The following SLC39A11 variants were observed in gnomAD, a reference collection of about 807,000 sequenced individuals.
SLC39A11 encodes the protein solute carrier family 39 member 11, also known as zinc transporter ZIP11.
A neutral mutation model predicts 36.1 loss-of-function variants in SLC39A11; 33 were observed. The observed-to-expected ratio is 0.91, with a 90% CI of 0.69 to 1.22. The LOEUF (loss-of-function observed/expected upper bound fraction) is 1.22. Ranked by LOEUF, SLC39A11 falls within the 50% of genes most tolerant of loss-of-function variation. The pLI, the probability that SLC39A11 is intolerant of heterozygous loss-of-function variation, is 0.00. For synonymous variants in SLC39A11, 166 were observed against 170.3 expected (o/e 0.97, Z 0.20); for missense variants, 432 against 430.3 (o/e 1.00, Z -0.03).
chr17:72,673,126 A>G (rs11871226), intron 7 of SLC39A11, among the ~76,000 whole-genome samples: 125,056 of 152,018 alleles, frequency 0.82, 51,792 homozygotes, highest in African/African-American at 0.92. Flanking sequence ...TTTTTGAGAC[A>G]GAGTCTTGTC....
chr17:73,081,628 TACATACAC>T (rs1391267201), intron 3 of SLC39A11, among the ~76,000 whole-genome samples: 5 of 77,964 alleles, frequency 6.4e-5, no homozygotes, highest in Admixed American at 3.7e-4. Flanking sequence ...TATATATATA[TACATACAC>T]ACACACACAC....
chr17:72,913,521 G>T (rs1408648552), intron 5 of SLC39A11, among the ~76,000 whole-genome samples: 1 of 152,132 alleles, frequency 6.6e-6, no homozygotes, highest in African/African-American at 2.4e-5. Context: ...AATAAGAGAT[G>T]ACATCATCTG....
At chr17:73,051,861 A>T (rs1433804079) in intron 3 of SLC39A11, among the ~76,000 whole-genome samples, 1 of 147,832 alleles carries the variant, frequency 6.8e-6, no homozygotes, top group Non-Finnish European at 1.5e-5. Flanking sequence ...CCATCTCAAA[A>T]GCAAAAAGCA....
chr17:72,748,822 G>A (rs1339544967), intron 6 of SLC39A11, among the ~76,000 whole-genome samples: 9 of 152,150 alleles, frequency 5.9e-5, no homozygotes, highest in Non-Finnish European at 1.5e-5. Context: ...CATGCCTCTA[G>A]CCAACTCCCC....
At chr17:72,757,115 G>A (rs557746668) in intron 6 of SLC39A11, among the ~76,000 whole-genome samples, 19 of 151,896 alleles carry the variant, frequency 1.3e-4, no homozygotes, top group Admixed American at 3.3e-4. Flanking sequence ...GCAGTGAGCC[G>A]AGATCACGCC....
At chr17:73,016,304 G>A (rs920074610) in intron 4 of SLC39A11, among the ~76,000 whole-genome samples, 10 of 151,842 alleles carry the variant, frequency 6.6e-5, no homozygotes, top group Admixed American at 5.9e-4. Context: ...TCTCCTAAAT[G>A]AGACTCTCAG....
intron 6 of SLC39A11, among the ~76,000 whole-genome samples, chr17:72,787,382 C>T (rs4793485): frequency 1.3e-5 from 2 of 150,770 alleles, no homozygotes; most frequent in East Asian, 2.0e-4. Flanking sequence ...CTCAGCCTCC[C>T]GAGTAGCTGG....
intron 5 of SLC39A11, chr17:72,947,508 T>C: frequency 1.8e-6 from 1 of 562,438 alleles, no homozygotes. Context: ...GTCGAAAAGA[T>C]GATCAAAAGG....
At chr17:72,865,614 G>A (rs1308822499) in intron 5 of SLC39A11, among the ~76,000 whole-genome samples, 2 of 151,916 alleles carry the variant, frequency 1.3e-5, no homozygotes, top group African/African-American at 2.4e-5. Flanking sequence ...CCAGGACGCT[G>A]AAGACCCTCA....
intron 4 of SLC39A11, among the ~76,000 whole-genome samples, chr17:73,013,519 T>A (rs1158049887): frequency 6.6e-6 from 1 of 152,232 alleles, no homozygotes; most frequent in African/African-American, 2.4e-5. Flanking sequence ...GATTCCACAG[T>A]TCATAAATGA....
intron 5 of SLC39A11, among the ~76,000 whole-genome samples, chr17:72,925,001 CAAAAAA>C (rs933053304): frequency 1.3e-4 from 9 of 68,938 alleles, no homozygotes; most frequent in African/African-American, 3.4e-4. Flanking sequence ...GACTCCATTT[CAAAAAA>C]AAAAAAAAAA....
At chr17:72,886,608 T>C (rs1419485807) in intron 5 of SLC39A11, among the ~76,000 whole-genome samples, 1 of 152,112 alleles carries the variant, frequency 6.6e-6, no homozygotes, top group East Asian at 1.9e-4. Flanking sequence ...CAGAATCTCT[T>C]CTCCACATAG....
intron 3 of SLC39A11, among the ~76,000 whole-genome samples, chr17:73,041,458 G>A (rs188396596): frequency 2.0e-5 from 3 of 152,012 alleles, no homozygotes; most frequent in Non-Finnish European, 4.4e-5. Context: ...ATGGAAGCCT[G>A]GGTAAGAAGC....
intron 4 of SLC39A11, among the ~76,000 whole-genome samples, chr17:72,973,268 G>A (rs1241537234): frequency 6.6e-6 from 1 of 151,772 alleles, no homozygotes; most frequent in African/African-American, 2.4e-5. Flanking sequence ...TGGGTCAGCA[G>A]AAGGACCAGG....
chr17:72,907,528 C>A (rs1378679907), intron 5 of SLC39A11, among the ~76,000 whole-genome samples: 1 of 152,148 alleles, frequency 6.6e-6, no homozygotes, highest in Non-Finnish European at 1.5e-5. Context: ...ATGAGTGAAT[C>A]AGGAAGATGG....
chr17:72,833,777 G>T (rs953367793), intron 6 of SLC39A11, among the ~76,000 whole-genome samples: 1 of 151,922 alleles, frequency 6.6e-6, no homozygotes, highest in African/African-American at 2.4e-5. Flanking sequence ...TCCATCCCCC[G>T]ACATCAGACA....
intron 7 of SLC39A11, among the ~76,000 whole-genome samples, chr17:72,735,037 G>A (rs2074367519): frequency 6.6e-6 from 1 of 152,032 alleles, no homozygotes. Context: ...CCTTGTTTTG[G>A]GTGACATTTC....
intron 5 of SLC39A11, among the ~76,000 whole-genome samples, chr17:72,900,201 GAAAGAAAGAAA>G (rs2082309789): frequency 2.1e-5 from 3 of 144,600 alleles, no homozygotes; most frequent in South Asian, 2.2e-4. Context: ...AAGAAAGAAA[GAAAGAAAGAAA>G]GAAAGAAAGA....
In SLC39A11 at chr17:72,784,511, GAT is replaced by G. The variant is rs1165010734; in HGVS notation, c.602-47794_602-47793del. 2.0e-5 allele frequency among the ~76,000 whole-genome samples: 3 copies of G among 152,228 alleles called. No homozygotes were observed. In the East Asian group the frequency reaches 5.8e-4, roughly 29 times the overall value. ...TCAAACTGCTTTGGAAAACTTTGGT[GAT>G]ATAGTTCGGATATTTGACCCTGCTC... On this transcript the variant is annotated intron_variant, in intron 6 of 9. Coordinates refer to ENST00000255559, the MANE Select transcript of SLC39A11 (RefSeq NM_139177.4).
Sources: gnomAD v4.1 joint callset for allele counts (sites outside exome capture counted in the v4.1 genomes callset) on GRCh38, gnomAD v4.1.1 for gene constraint, MANE v1.5 for transcripts, NCBI Gene and HGNC (gene_info 2026-07-23, HGNC 2026-07-21) for gene names.